The following GATM variants were observed in gnomAD, a reference collection of about 807,000 sequenced individuals.
The protein encoded by GATM is glycine amidinotransferase.
GATM carries 23 observed loss-of-function variants against 54.2 expected under a neutral mutation model. The ratio of observed to expected loss-of-function variants is 0.42; its 90% CI spans 0.31 to 0.60. The LOEUF (loss-of-function observed/expected upper bound fraction) is 0.60, where lower values mean the gene tolerates loss of function less well. Ranked by LOEUF, GATM falls within the 20% of genes least tolerant of loss-of-function variation. The pLI, the probability that GATM is intolerant of heterozygous loss-of-function variation, is 0.14. For synonymous variants in GATM, 168 were observed against 183.1 expected, an observed-to-expected ratio of 0.92 and a Z score of 0.67; for missense variants, 401 against 544.9, an observed-to-expected ratio of 0.74 and a Z score of 2.63.
chr15:45,389,650 C>T (rs1889845575), intron 3 of GATM, among the ~76,000 whole-genome samples: 1 of 152,032 alleles, frequency 6.6e-6, no homozygotes, highest in Non-Finnish European at 1.5e-5. Context: ...TGCCATGTTG[C>T]TCAGGCTGAC....
Position 45,368,027 on chromosome 15 carries a change from T to A in GATM, c.675+43A>T. 1 of 1,550,158 alleles carries A rather than the reference T, an allele frequency of 6.5e-7. No homozygotes were observed. Among genetic ancestry groups the A allele is most frequent in the South Asian group, 1.1e-5 (1 of 89,250 alleles). ...CTCTATCTTACTCTTTGTGGATCAT[T>A]TAGAAAAGTTAGTAATAAGCTAGCC... On this transcript the variant is annotated intron_variant, in intron 4 of 8. Coordinates refer to ENST00000396659, the MANE Select transcript of GATM (RefSeq NM_001482.3). This position sits in a 1 kb window ranked among gnomAD's most constrained non-coding sequence, Gnocchi z 5.1.
chr15:45,362,278 A>G, intron 8 of GATM, 57 bp from the exon 9 acceptor site: 2 of 1,060,718 alleles, frequency 1.9e-6, no homozygotes, highest in Non-Finnish European at 2.9e-6. Context: ...ATTCTCATAG[A>G]GAAAGTAGGC....
chr15:45,381,823 T>A (rs1307879809), upstream of GATM, among the ~76,000 whole-genome samples: 1 of 152,238 alleles, frequency 6.6e-6, no homozygotes, highest in African/African-American at 2.4e-5. Context: ...AAGTATATTC[T>A]CATGCCTGGA....
intron 2 of GATM, among the ~76,000 whole-genome samples, chr15:45,399,083 G>C (rs1361318041): frequency 2.0e-5 from 3 of 152,000 alleles, no homozygotes; most frequent in Non-Finnish European, 4.4e-5. Flanking sequence ...TACCTTTTCG[G>C]GAAAATCTCA....
chr15:45,380,513 G>A (rs1302285184), upstream of GATM: 1 of 152,056 alleles, frequency 6.6e-6, no homozygotes, highest in Non-Finnish European at 1.5e-5. Flanking sequence ...CCACCTCTGA[G>A]GTCTGATTCT....
chr15:45,369,070 T>C (rs1317959175), intron 3 of GATM, among the ~76,000 whole-genome samples: 2 of 152,232 alleles, frequency 1.3e-5, no homozygotes, highest in African/African-American at 4.8e-5. Context: ...CCACTGTTAT[T>C]ATGTAAGGAA....
chr15:45,387,801 T>C (rs768066183), intron 3 of GATM, among the ~76,000 whole-genome samples: 6 of 152,240 alleles, frequency 3.9e-5, no homozygotes, highest in Admixed American at 3.3e-4. Context: ...ATAGTTGGGA[T>C]AACCTCATGG....
intron 3 of GATM, among the ~76,000 whole-genome samples, 166 bp downstream of exon 3, chr15:45,369,160 A>G (rs1230457322): frequency 6.6e-6 from 1 of 152,226 alleles, no homozygotes; most frequent in Non-Finnish European, 1.5e-5. Flanking sequence ...TATACATCTT[A>G]ATCATATCAA....
rs534526235 is a variant in GATM, at chr15:45,362,035, A to C, written c.*74T>G. On this transcript the variant is annotated 3_prime_UTR_variant, in exon 9 of 9. Transcript: ENST00000396659. ...AGCACTACAGTTCATGCACTTTTTA[A>C]AGCAGGAGAATGAACCTTGCCCCTA... The C allele has an allele frequency of 1.1e-6, 1 of 874,862 alleles. No homozygotes were observed. Among genetic ancestry groups the C allele is most frequent in the African/African-American group, 1.7e-5 (1 of 60,304 alleles). 54.2% of individuals were successfully genotyped at this position (874,862 alleles called of 1,614,324 possible).
In GATM at chr15:45,362,056, C is replaced by T. The variant is rs915158027; in HGVS notation, c.*53G>A. 5 of 1,041,624 alleles carry T rather than the reference C, an allele frequency of 4.8e-6. No individual in the cohort carries two copies. In the African/African-American group the frequency reaches 6.4e-5, roughly 13 times the overall value. 64.5% of individuals were successfully genotyped at this position (1,041,624 alleles called of 1,614,324 possible). A position where few individuals can be genotyped will look rare whatever the true frequency, so the allele number is the denominator to read the frequency against. Reference sequence around the variant, plus strand: ...TTTAAAGCAGGAGAATGAACCTTGCCCCTAAGCTTCTTAGGTGTATCTGAG... The same window carrying T: ...TTTAAAGCAGGAGAATGAACCTTGCTCCTAAGCTTCTTAGGTGTATCTGAG... On this transcript the variant is annotated 3_prime_UTR_variant, in exon 9 of 9. Coordinates refer to ENST00000396659, the MANE Select transcript of GATM (RefSeq NM_001482.3).
At chr15:45,395,543 G>A (rs568770995) in intron 3 of GATM, among the ~76,000 whole-genome samples, 1 of 152,110 alleles carries the variant, frequency 6.6e-6, no homozygotes, top group South Asian at 2.1e-4. Flanking sequence ...GATCTCACTG[G>A]AAAAATAATA....
rs74609002 is a variant in GATM at position 45,395,880 on chromosome 15, C to T, written c.-319+1042G>A. Among the ~76,000 whole-genome samples the T allele has an allele frequency of 1.9e-3, 286 of 152,300 alleles. 3 individuals are homozygous for T. The East Asian group carries it at 0.035, about 19-fold the overall frequency. On this transcript the variant is annotated intron_variant, in intron 3 of 4. Coordinates refer to the GATM transcript ENST00000561148. ...AAAAAAATGGCATTCAAGCTTTCCA[C>T]GACTAAGTCCCATTTTACCAATCCA... is the stretch of plus-strand genomic sequence containing the variant.
chr15:45,391,013 G>A (rs952847341), intron 3 of GATM, among the ~76,000 whole-genome samples: 6 of 152,108 alleles, frequency 3.9e-5, no homozygotes, highest in South Asian at 2.1e-4. Flanking sequence ...ATCTCTCCAC[G>A]CCTACTTGTA....
intron 3 of GATM, among the ~76,000 whole-genome samples, chr15:45,388,700 G>A (rs748885668): frequency 2.6e-5 from 4 of 152,190 alleles, no homozygotes; most frequent in African/African-American, 7.2e-5. Context: ...ATACTACCGA[G>A]ATGATGTGCC....
At chr15:45,378,357 C>G in intron 1 of GATM, 28 bp downstream of exon 1, 1 of 1,503,978 alleles carries the variant, frequency 6.6e-7, no homozygotes, top group Non-Finnish European at 8.9e-7. Context: ...GTCACGCGGC[C>G]GCCAGACGAG....
In GATM at chr15:45,377,278, AT is replaced by A. The variant is rs374557478; in HGVS notation, c.70-460del. 1.3e-3 allele frequency: 600 copies of A among 455,908 alleles called. 3 individuals are homozygous for A. Among genetic ancestry groups the A allele is most frequent in the African/African-American group, 0.011 (527 of 49,724 alleles). The allele number at this position is 455,908 out of a possible 1,614,324, so 28.2% of individuals were successfully genotyped here. A position where few individuals can be genotyped will look rare whatever the true frequency, so the allele number is the denominator to read the frequency against. Reference sequence around the variant, plus strand: ...GTTACCAATATTAGGCTTTTTATTTATTTTTTTTTACAAATGAAAAGTTGGG... The same window carrying A: ...GTTACCAATATTAGGCTTTTTATTTATTTTTTTTACAAATGAAAAGTTGGG... On this transcript the variant is annotated intron_variant, in intron 1 of 8. Transcript: ENST00000396659.
At chr15:45,376,046 A>C (rs898972040) in intron 2 of GATM, among the ~76,000 whole-genome samples, 3 of 152,208 alleles carry the variant, frequency 2.0e-5, no homozygotes, top group Non-Finnish European at 2.9e-5. Flanking sequence ...ATAAGGAGAA[A>C]TCAAAGATGA....
At chr15:45,364,153 TAAAAC>T in intron 7 of GATM, 137 bp from the exon 8 acceptor site, 1 of 699,926 alleles carries the variant, frequency 1.4e-6, no homozygotes, top group East Asian at 2.6e-5. Context: ...ATTTTAATCT[TAAAAC>T]AATTTATCTA....
At position 45,363,504 on chromosome 15, in the gene GATM, G is replaced by C. The variant is rs542993701; in HGVS notation, c.1159+396C>G. The C allele has an allele frequency of 2.0e-5, 5 of 251,584 alleles. No individual in the cohort carries two copies. The East Asian group carries it at 4.4e-4, about 22-fold the overall frequency. The allele number at this position is 251,584 out of a possible 1,614,324, so 15.6% of individuals were successfully genotyped here. A position where few individuals can be genotyped will look rare whatever the true frequency, so the allele number is the denominator to read the frequency against. ...ACACATAAAAGTCACTTCTGCATCC[G>C]TACCCTTTTGAGTCCTTTGAAATAT... On this transcript the variant is annotated intron_variant, in intron 8 of 8. Coordinates refer to ENST00000396659, the MANE Select transcript of GATM (RefSeq NM_001482.3).
Sources: gnomAD v4.1 joint callset for allele counts (sites outside exome capture counted in the v4.1 genomes callset) on GRCh38, gnomAD v4.1.1 for gene constraint, Gnocchi (gnomAD v3.1) non-coding constraint, MANE v1.5 for transcripts, NCBI Gene and HGNC (gene_info 2026-07-23, HGNC 2026-07-21) for gene names.